GAD2: variants seen among roughly 807,000 people sequenced by gnomAD.
The protein encoded by GAD2 is glutamate decarboxylase 2, also known as 65 kDa glutamic acid decarboxylase.
In GAD2, 22 loss-of-function variants were observed where a neutral mutation model predicts 80.1. That is an observed-to-expected ratio of 0.27 (90% CI 0.20 to 0.39). The LOEUF is 0.39. GAD2 is among the 10% of genes least tolerant of loss of function. The probability of loss-of-function intolerance (pLI) is 1.00; values close to 1 mark genes in which losing one functional copy is unlikely to be tolerated. For synonymous variants in GAD2, 274 were observed against 256.9 expected, an observed-to-expected ratio of 1.07 and a Z score of -0.64; for missense variants, 624 against 738.4, an observed-to-expected ratio of 0.85 and a Z score of 1.80.
Position 26,216,830 on chromosome 10 carries a change from C to A in GAD2, c.21C>A (p.Gly7=). 6.2e-7 allele frequency: 1 copy of A among 1,612,892 alleles called. No individual in the cohort carries two copies. Among genetic ancestry groups the A allele is most frequent in the Non-Finnish European group, 8.5e-7 (1 of 1,179,590 alleles). The change falls in exon 1 of 16, where the codon GGC becomes GGA. Residue 7 remains glycine, a synonymous_variant. Coordinates refer to ENST00000376261, the MANE Select transcript of GAD2 (RefSeq NM_001134366.2). The surrounding 1 kb of genome is among the most constrained non-coding windows in gnomAD (Gnocchi z 4.7). MASPGS[G]FWSFGSEDGS... ...AGCCGATGGCATCTCCGGGCTCTGG[C>A]TTTTGGTCTTTCGGGTCGGAAGATG...
chr10:26,263,834 T>TG (rs1845037109), intron 8 of GAD2, among the ~76,000 whole-genome samples: 1 of 152,222 alleles, frequency 6.6e-6, no homozygotes, highest in Non-Finnish European at 1.5e-5. Context: ...TAGCAGTAAT[T>TG]GGGGTCACTG....
chr10:26,269,232 C>A, intron 9 of GAD2, 59 bp downstream of exon 9: 7 of 1,389,348 alleles, frequency 5.0e-6, no homozygotes, highest in South Asian at 1.4e-5. Context: ...CACCGGAGAA[C>A]AAAATGTGTT....
At position 26,245,948 on chromosome 10, in the gene GAD2, G is replaced by A; in HGVS notation, c.868G>A (p.Ala290Thr). The stretch of plus-strand genomic sequence containing the variant: ...TCATTTTTCTCTCAAGAAGGGAGCT[G>A]CAGCCTTAGGGATTGGAACAGACAG... ...HSHFSLKKGA[A>T]ALGIGTDSVI... The change falls in exon 8 of 16, where the codon GCA (alanine) becomes ACA (threonine). Residue 290 changes from alanine (A) to threonine (T), a missense_variant. By Grantham distance (58) the Ala-to-Thr change is moderately conservative. Transcript: ENST00000376261. 1.2e-6 allele frequency: 2 copies of A among 1,613,982 alleles called. No individual in the cohort carries two copies. The highest frequency in any genetic ancestry group is 1.1e-5 in the South Asian group (1 of 91,066).
chr10:26,291,939 G>A (rs1834217621), intron 13 of GAD2, among the ~76,000 whole-genome samples: 1 of 152,144 alleles, frequency 6.6e-6, no homozygotes, highest in Admixed American at 6.5e-5. Flanking sequence ...AAAGCATCTG[G>A]GTGCTCCCTA....
intron 7 of GAD2, among the ~76,000 whole-genome samples, chr10:26,239,230 T>G (rs2132282855): frequency 6.6e-6 from 1 of 152,326 alleles, no homozygotes; most frequent in Admixed American, 6.5e-5. Context: ...AGTTAAGAGC[T>G]AAGATTTCCC....
intron 10 of GAD2, among the ~76,000 whole-genome samples, chr10:26,271,848 C>T (rs1236367761): frequency 2.6e-5 from 4 of 152,190 alleles, no homozygotes; most frequent in African/African-American, 4.8e-5. Context: ...CAACCTCCGC[C>T]TCCAGGGTTC....
At chr10:26,266,335 G>A (rs1301573399) in intron 8 of GAD2, among the ~76,000 whole-genome samples, 1 of 152,038 alleles carries the variant, frequency 6.6e-6, no homozygotes, top group African/African-American at 2.4e-5. Flanking sequence ...TTTTAAACCG[G>A]GACTTCAATG....
intron 8 of GAD2, among the ~76,000 whole-genome samples, chr10:26,248,112 G>A (rs76564971): frequency 0.028 from 4,270 of 152,144 alleles, 179 homozygotes; most frequent in African/African-American, 0.097. Context: ...CAGCCTCCCC[G>A]ATGGCTTGCA....
Position 26,219,085 on chromosome 10 carries a change from T to G in GAD2, c.329T>G (p.Phe110Cys), listed in dbSNP as rs1844421614. Residue 110 changes from phenylalanine (F) to cysteine (C), a missense_variant, in exon 4 of 16, where the codon TTT becomes TGT. Transcript: ENST00000376261. ...GATGGAGAAAGGCCCACTTTGGCGT[T>G]TCTGCAAGATGTTATGAACATTTTA... ...ACDGERPTLA[F>C]LQDVMNILLQ... 6.2e-7 allele frequency: 1 copy of G among 1,600,572 alleles called. No homozygotes were observed.
chr10:26,282,095 A>T (rs964277694), intron 12 of GAD2, among the ~76,000 whole-genome samples: 1 of 151,054 alleles, frequency 6.6e-6, no homozygotes, highest in Non-Finnish European at 1.5e-5. Context: ...GGCACCCGCC[A>T]CCACACCTGG....
intron 8 of GAD2, among the ~76,000 whole-genome samples, chr10:26,247,495 C>T (rs916703412): frequency 2.0e-5 from 3 of 152,150 alleles, no homozygotes; most frequent in Admixed American, 1.3e-4. Flanking sequence ...GACAAAGCCA[C>T]AGGAGGAGGA....
chr10:26,252,518 T>A (rs1440054105), intron 8 of GAD2, among the ~76,000 whole-genome samples: 2 of 151,884 alleles, frequency 1.3e-5, no homozygotes, highest in African/African-American at 4.8e-5. Flanking sequence ...AATTTTTGTA[T>A]TTTTAGTAGA....
chr10:26,221,057 T>C (rs1844446686), intron 4 of GAD2, among the ~76,000 whole-genome samples: 1 of 152,218 alleles, frequency 6.6e-6, no homozygotes, highest in African/African-American at 2.4e-5. Flanking sequence ...TCATAACATA[T>C]TTAGTCTGCT....
chr10:26,218,287 T>C (rs552541663), intron 3 of GAD2: 1 of 327,370 alleles, frequency 3.1e-6, no homozygotes, highest in East Asian at 5.1e-5. Context: ...GCTCACTGAA[T>C]CGATGACGGC....
At position 26,251,600 on chromosome 10, in the gene GAD2, C is replaced by T. The variant is rs150405849; in HGVS notation, c.920+5600C>T. ...TTACTGTTACGAATAACCTTTGTAT[C>T]CTTCAGTGAACGTCCTTATGCATCC... On this transcript the variant is annotated intron_variant, in intron 8 of 15. Coordinates refer to ENST00000376261, the MANE Select transcript of GAD2 (RefSeq NM_001134366.2). 1.3e-3 allele frequency among the ~76,000 whole-genome samples: 203 copies of T among 152,290 alleles called. 1 individual carries two copies. The highest frequency in any genetic ancestry group is 4.8e-3 in the African/African-American group (198 of 41,558).
chr10:26,297,784 G>T (rs918613879), intron 15 of GAD2, among the ~76,000 whole-genome samples: 3 of 152,282 alleles, frequency 2.0e-5, no homozygotes, highest in Non-Finnish European at 2.9e-5. Context: ...GAGAGGAAGG[G>T]CAGGTTGGGT....
intron 7 of GAD2, among the ~76,000 whole-genome samples, chr10:26,234,239 A>T (rs972682160): frequency 9.2e-5 from 14 of 151,628 alleles, no homozygotes; most frequent in South Asian, 4.2e-4. Context: ...CAGGAGAATC[A>T]CTGGAACCCG....
At chr10:26,273,234 T>C (rs375471003) in intron 10 of GAD2, among the ~76,000 whole-genome samples, 43 of 152,364 alleles carry the variant, frequency 2.8e-4, no homozygotes, top group African/African-American at 1.0e-3. Context: ...CATTTAGACT[T>C]GTCAAAAGAG....
At chr10:26,235,711 G>A (rs377432331) in intron 7 of GAD2, among the ~76,000 whole-genome samples, 1 of 152,044 alleles carries the variant, frequency 6.6e-6, no homozygotes, top group Non-Finnish European at 1.5e-5. Flanking sequence ...TCATACAAAG[G>A]CTTGGCAAAA....
Sources: gnomAD v4.1 joint callset for allele counts (sites outside exome capture counted in the v4.1 genomes callset) on GRCh38, gnomAD v4.1.1 for gene constraint, Gnocchi (gnomAD v3.1) non-coding constraint, MANE v1.5 for transcripts, NCBI Gene and HGNC (gene_info 2026-07-23, HGNC 2026-07-21) for gene names.